Variants in PRKG2 observed in about 807,000 individuals in gnomAD.
The protein encoded by PRKG2 is protein kinase cGMP-dependent 2.
Under a neutral mutation model 97.2 loss-of-function variants are expected in PRKG2, and 33 were observed. The ratio of observed to expected loss-of-function variants is 0.34; its 90% CI spans 0.26 to 0.45. The LOEUF is 0.45. PRKG2 is among the 20% of genes least tolerant of loss of function. The pLI is 1.00. For missense variants in PRKG2, 638 were observed against 900.0 expected (o/e 0.71, Z 3.73); for synonymous variants, 330 against 321.8 (o/e 1.03, Z -0.27).
chr4:81,201,969 TTTA>T (rs1230920616), intron 2 of PRKG2, among the ~76,000 whole-genome samples: 2 of 152,162 alleles, frequency 1.3e-5, no homozygotes, highest in African/African-American at 4.8e-5. Context: ...GCCAGGATAC[TTTA>T]TAAAAGTCCA....
chr4:81,189,750 T>G, intron 2 of PRKG2, among the ~76,000 whole-genome samples: 1 of 137,622 alleles, frequency 7.3e-6, no homozygotes, highest in Non-Finnish European at 1.5e-5. Context: ...ACCCTAAAAC[T>G]TAAAGTATAA....
chr4:81,132,255 A>G (rs1477938620), intron 14 of PRKG2, among the ~76,000 whole-genome samples: 1 of 152,146 alleles, frequency 6.6e-6, no homozygotes, highest in Non-Finnish European at 1.5e-5. Flanking sequence ...CTTTGTACCT[A>G]TAATCATACT....
At chr4:81,096,201 A>G (rs1742096173) in intron 17 of PRKG2, among the ~76,000 whole-genome samples, 1 of 152,120 alleles carries the variant, frequency 6.6e-6, no homozygotes. Context: ...TCTCTATAGT[A>G]TGTGATACTG....
At chr4:81,146,876 T>C (rs1044989615) in intron 9 of PRKG2, among the ~76,000 whole-genome samples, 2 of 152,182 alleles carry the variant, frequency 1.3e-5, no homozygotes, top group South Asian at 4.1e-4. Context: ...AGGATGATCA[T>C]ATAATTTATC....
At chr4:81,214,865 C>CACCCCG (rs1453172897) in intron 1 of PRKG2, 71 bp downstream of exon 1, 1 of 152,430 alleles carries the variant, frequency 6.6e-6, no homozygotes, top group Non-Finnish European at 1.5e-5. Context: ...CACACGCGCG[C>CACCCCG]ACCCCGACCC....
At chr4:81,093,117 C>T (rs1418347746) in intron 17 of PRKG2, among the ~76,000 whole-genome samples, 1 of 152,006 alleles carries the variant, frequency 6.6e-6, no homozygotes, top group Non-Finnish European at 1.5e-5. Context: ...TACCACCATC[C>T]TTCCATTACC....
chr4:81,159,136 T>C (rs780731910), intron 6 of PRKG2, among the ~76,000 whole-genome samples: 1 of 152,180 alleles, frequency 6.6e-6, no homozygotes, highest in Non-Finnish European at 1.5e-5. Context: ...AAAGAGCTTC[T>C]GCATAGCAAA....
intron 14 of PRKG2, among the ~76,000 whole-genome samples, chr4:81,116,432 G>A (rs189203162): frequency 6.6e-6 from 1 of 152,152 alleles, no homozygotes; most frequent in Admixed American, 6.5e-5. Flanking sequence ...ACTGTTGTTG[G>A]GGATTTAGGT....
Position 81,184,998 on chromosome 4 carries a change from T to TC in PRKG2, c.462-10040_462-10039insG, listed in dbSNP as rs1751744969. ...ATATGTGAAAAGACCAAACTTACAT[T>TC]TGAGTGGTATACCTGAAAGTGATGG... On this transcript the variant is annotated intron_variant, in intron 2 of 18. Transcript: ENST00000264399. Among the ~76,000 whole-genome samples, 3 of 151,992 alleles carry TC rather than the reference T, an allele frequency of 2.0e-5. No individual in the cohort carries two copies. In the South Asian group the frequency reaches 6.2e-4, roughly 32 times the overall value.
At position 81,144,262 on chromosome 4, in the gene PRKG2, A is replaced by G. The variant is rs1747581758; in HGVS notation, c.1223T>C (p.Leu408Pro). ...ATGTCTTTTTTCATCATCACGGTTC[A>G]GGTTTGCCACATATCCTTCAAGGTA... Reference protein sequence around the residue: ...QKYLEGYVANLNRDDEKRHAK... With the variant: ...QKYLEGYVANPNRDDEKRHAK... The change falls in exon 10 of 19, where the codon CTG becomes CCG. Residue 408 changes from leucine to proline, a missense_variant. Around this residue, in one of 3 missense-constraint regions of PRKG2, gnomAD observed 304 missense variants for 460.5 expected, o/e 0.66. Transcript: ENST00000264399. 2 of 1,611,840 alleles carry G rather than the reference A, an allele frequency of 1.2e-6. No individual in the cohort carries two copies. The highest frequency in any genetic ancestry group is 1.7e-6 in the Non-Finnish European group (2 of 1,178,092).
At chr4:81,125,231 A>T (rs983781108) in intron 14 of PRKG2, among the ~76,000 whole-genome samples, 3 of 152,214 alleles carry the variant, frequency 2.0e-5, no homozygotes, top group Non-Finnish European at 4.4e-5. Context: ...TGCATATTAT[A>T]CTGATGTAGC....
intron 1 of PRKG2, among the ~76,000 whole-genome samples, chr4:81,212,758 G>T (rs958101794): frequency 6.6e-6 from 1 of 152,186 alleles, no homozygotes; most frequent in Non-Finnish European, 1.5e-5. Context: ...GGATATTAGC[G>T]ATGAGGAGAG....
upstream of PRKG2, among the ~76,000 whole-genome samples, chr4:81,217,381 C>T (rs1043680012): frequency 6.6e-6 from 1 of 152,054 alleles, no homozygotes; most frequent in Non-Finnish European, 1.5e-5. Context: ...AGGCTGTTGC[C>T]CAGGGTCACC....
chr4:81,148,327 C>T (rs773119558), intron 9 of PRKG2, among the ~76,000 whole-genome samples: 25 of 152,004 alleles, frequency 1.6e-4, no homozygotes, highest in Non-Finnish European at 3.7e-4. Flanking sequence ...GGGGCAGATT[C>T]AAACATTATT....
intron 15 of PRKG2, among the ~76,000 whole-genome samples, chr4:81,108,403 T>G (rs56193456): frequency 0.15 from 22,817 of 151,622 alleles, 2,331 homozygotes; most frequent in African/African-American, 0.28. Context: ...ATATTTCACT[T>G]GTAAAGAAAA....
At chr4:81,157,544 C>T (rs1749213386) in intron 6 of PRKG2, among the ~76,000 whole-genome samples, 2 of 151,948 alleles carry the variant, frequency 1.3e-5, no homozygotes, top group African/African-American at 2.4e-5. Flanking sequence ...TATTCCAGTC[C>T]ATAGAAAAAG....
Position 81,204,583 on chromosome 4 carries a change from T to C in PRKG2, c.461+4A>G, listed in dbSNP as rs777909171. The C allele has an allele frequency of 1.6e-5, 26 of 1,609,490 alleles. No individual in the cohort carries two copies. The highest frequency in any genetic ancestry group is 3.4e-5 in the Admixed American group (2 of 59,258). On this transcript the variant is annotated splice_donor_region_variant and intron_variant, in intron 2 of 18. Coordinates refer to ENST00000264399, the MANE Select transcript of PRKG2 (RefSeq NM_006259.3). Reference sequence around the variant, plus strand: ...TGAGTTTAAAGGATGCGGAAATTTCTTACCTGGAGTCTTTTCTGACTCTTG... The same window carrying C: ...TGAGTTTAAAGGATGCGGAAATTTCCTACCTGGAGTCTTTTCTGACTCTTG...
Position 81,150,502 on chromosome 4 carries a change from C to A in PRKG2, c.1085+1458G>T, listed in dbSNP as rs188522896. On this transcript the variant is annotated intron_variant, in intron 8 of 18. Coordinates refer to ENST00000264399, the MANE Select transcript of PRKG2 (RefSeq NM_006259.3). ...CACAAAAATATAAAAATATTTGTCT[C>A]CAACTTTCCTTCTCATTGATTTTAG... Among the ~76,000 whole-genome samples the A allele has an allele frequency of 1.4e-3, 217 of 152,166 alleles. 2 individuals carry two copies. Among genetic ancestry groups the A allele is most frequent in the African/African-American group, 4.8e-3 (198 of 41,532 alleles).
intron 12 of PRKG2, among the ~76,000 whole-genome samples, chr4:81,137,913 A>G (rs1437274098): frequency 1.3e-5 from 2 of 152,106 alleles, no homozygotes; most frequent in African/African-American, 4.8e-5. Context: ...TATATCCCCT[A>G]GTTGGTTAAT....
Sources: gnomAD v4.1 joint callset for allele counts (sites outside exome capture counted in the v4.1 genomes callset) on GRCh38, gnomAD v4.1.1 for gene constraint, gnomAD v4.1.1 regional missense constraint, MANE v1.5 for transcripts, NCBI Gene and HGNC (gene_info 2026-07-23, HGNC 2026-07-21) for gene names.